KAZN: variants seen among roughly 807,000 people sequenced by gnomAD.
KAZN encodes kazrin, periplakin interacting protein, also known as kazrin.
KAZN carries 40 observed loss-of-function variants against 87.4 expected under a neutral mutation model. The observed-to-expected ratio is 0.46, with a 90% CI of 0.36 to 0.60. The LOEUF (loss-of-function observed/expected upper bound fraction) is 0.60, where lower values mean the gene tolerates loss of function less well. KAZN is among the 20% of genes least tolerant of loss of function. KAZN has a pLI of 0.00. For missense variants in KAZN, 898 were observed against 1,073.9 expected (o/e 0.84, Z 2.29); for synonymous variants, 466 against 458.3 (o/e 1.02, Z -0.22).
At chr1:14,417,993 C>CCAAA (rs1664951096) in intron 2 of KAZN, among the ~76,000 whole-genome samples, 2 of 33,808 alleles carry the variant, frequency 5.9e-5, no homozygotes, top group Non-Finnish European at 1.1e-4. Flanking sequence ...GAGACTGCCT[C>CCAAA]AAAAAAAAAA....
At chr1:14,894,550 C>T (rs1022544653) in intron 1 of KAZN, among the ~76,000 whole-genome samples, 11 of 152,232 alleles carry the variant, frequency 7.2e-5, no homozygotes, top group African/African-American at 2.7e-4. Flanking sequence ...CGATGTGGCA[C>T]ATCTTTCCAG....
At chr1:14,429,194 C>G (rs1034228113) in intron 2 of KAZN, among the ~76,000 whole-genome samples, 2 of 152,150 alleles carry the variant, frequency 1.3e-5, no homozygotes, top group African/African-American at 4.8e-5. Context: ...AGAGAATGGT[C>G]ATCTCCTAAG....
intron 13 of KAZN, among the ~76,000 whole-genome samples, chr1:15,106,044 C>T (rs571955373): frequency 3.9e-5 from 6 of 152,212 alleles, no homozygotes; most frequent in Admixed American, 2.6e-4. Flanking sequence ...CTTTAGGAGG[C>T]GGAGGCAGGA....
chr1:14,179,765 G>T (rs1254043050), intron 1 of KAZN, among the ~76,000 whole-genome samples: 1 of 152,204 alleles, frequency 6.6e-6, no homozygotes, highest in Non-Finnish European at 1.5e-5. Context: ...GGAGATGACA[G>T]TAAGCAAAGA....
chr1:14,396,670 C>A (rs149184777), intron 2 of KAZN, among the ~76,000 whole-genome samples: 1 of 152,242 alleles, frequency 6.6e-6, no homozygotes, highest in East Asian at 1.9e-4. Context: ...GAGAAGCAGG[C>A]CAGTGTTATC....
At chr1:14,066,637 G>C (rs191531581) in intron 1 of KAZN, among the ~76,000 whole-genome samples, 340 of 152,326 alleles carry the variant, frequency 2.2e-3, no homozygotes, top group African/African-American at 7.8e-3. Flanking sequence ...TTGCCCTGAA[G>C]TTGCCGCCCT....
At chr1:13,951,842 T>G (rs1329410530) in intron 1 of KAZN, among the ~76,000 whole-genome samples, 1 of 152,096 alleles carries the variant, frequency 6.6e-6, no homozygotes, top group Non-Finnish European at 1.5e-5. Context: ...TAAAAATCTC[T>G]CAAGTAAAAG....
intron 1 of KAZN, among the ~76,000 whole-genome samples, chr1:13,927,475 A>G (rs1640327230): frequency 6.6e-6 from 1 of 152,222 alleles, no homozygotes; most frequent in African/African-American, 2.4e-5. Flanking sequence ...ATAGCTGGGC[A>G]AAGAACCATC....
chr1:14,177,660 A>T (rs550290771), intron 1 of KAZN, among the ~76,000 whole-genome samples: 3 of 152,268 alleles, frequency 2.0e-5, no homozygotes, highest in South Asian at 4.1e-4. Context: ...TAAATGTAAC[A>T]TGCCTTTTTT....
rs71570202 is a variant in KAZN, at chr1:14,354,645, G to GACACACACACAC, written c.249+174085_249+174096dup. Among the ~76,000 whole-genome samples, 1,038 of 141,428 alleles carry GACACACACACAC rather than the reference G, an allele frequency of 7.3e-3. 7 individuals are homozygous for GACACACACACAC. Among genetic ancestry groups the GACACACACACAC allele is most frequent in the African/African-American group, 0.016 (599 of 38,334 alleles). 92.8% of individuals were successfully genotyped at this position (141,428 alleles called of 152,430 possible). A position where few individuals can be genotyped will look rare whatever the true frequency, so the allele number is the denominator to read the frequency against. On this transcript the variant is annotated intron_variant, in intron 2 of 16. Transcript: ENST00000636203. ...TGCATCTATTAGAATAGCTAAATTA[G>GACACACACACAC]ACACACACACACACACACACACACA...
intron 1 of KAZN, among the ~76,000 whole-genome samples, chr1:13,923,837 G>A (rs1640165770): frequency 6.6e-6 from 1 of 152,054 alleles, no homozygotes; most frequent in Non-Finnish European, 1.5e-5. Context: ...GTTGTTTGAG[G>A]GTCCACTATA....
chr1:14,633,880 C>CTA (rs1205714762), intron 1 of KAZN, among the ~76,000 whole-genome samples: 17 of 151,304 alleles, frequency 1.1e-4, no homozygotes, highest in South Asian at 2.1e-4. Flanking sequence ...CTCTCTCTCT[C>CTA]TCTCTATATA....
At chr1:14,758,286 C>T (rs965339917) in intron 1 of KAZN, among the ~76,000 whole-genome samples, 1 of 151,982 alleles carries the variant, frequency 6.6e-6, no homozygotes, top group African/African-American at 2.4e-5. Context: ...CCACCTCAGC[C>T]TCCTGAACAG....
At chr1:15,048,668 C>CCTGGGTCGT (rs1673889668) in intron 4 of KAZN, among the ~76,000 whole-genome samples, 4 of 68,460 alleles carry the variant, frequency 5.8e-5, no homozygotes, top group Admixed American at 1.4e-4. Flanking sequence ...TCCTGGGTCG[C>CCTGGGTCGT]TGGTCCTGGG....
chr1:14,453,327 T>A (rs1667385980), intron 2 of KAZN, among the ~76,000 whole-genome samples: 1 of 152,158 alleles, frequency 6.6e-6, no homozygotes, highest in South Asian at 2.1e-4. Context: ...GGGAAATGTG[T>A]CTCTATTATA....
intron 2 of KAZN, among the ~76,000 whole-genome samples, chr1:14,372,485 GCA>G (rs1397362921): frequency 2.6e-5 from 4 of 152,184 alleles, no homozygotes; most frequent in African/African-American, 4.8e-5. Flanking sequence ...AGGATGTCCA[GCA>G]GCATCCCTGG....
At chr1:14,357,619 G>T (rs1015944621) in intron 2 of KAZN, among the ~76,000 whole-genome samples, 1 of 152,184 alleles carries the variant, frequency 6.6e-6, no homozygotes, top group Non-Finnish European at 1.5e-5. Context: ...TTTATTGAGA[G>T]TTTTTAGCAC....
intron 1 of KAZN, among the ~76,000 whole-genome samples, chr1:14,895,247 C>T (rs1429248790): frequency 6.6e-6 from 1 of 152,258 alleles, no homozygotes; most frequent in Non-Finnish European, 1.5e-5. Flanking sequence ...CTTTTCCCAG[C>T]CCTGGTTCCC....
intron 1 of KAZN, among the ~76,000 whole-genome samples, chr1:14,740,188 A>AGACATCC (rs1408356346): frequency 8.5e-5 from 13 of 152,160 alleles, no homozygotes; most frequent in Non-Finnish European, 1.5e-5. Context: ...GCTGTGGCTT[A>AGACATCC]GACATCCCTG....
Sources: gnomAD v4.1 joint callset for allele counts (sites outside exome capture counted in the v4.1 genomes callset) on GRCh38, gnomAD v4.1.1 for gene constraint, MANE v1.5 for transcripts, NCBI Gene and HGNC (gene_info 2026-07-23, HGNC 2026-07-21) for gene names.